SEC31A: variants seen among roughly 807,000 people sequenced by gnomAD.
SEC31A encodes SEC31 homolog A, COPII component.
SEC31A carries 70 observed loss-of-function variants against 151.0 expected under a neutral mutation model. The ratio of observed to expected loss-of-function variants is 0.46; its 90% confidence interval spans 0.38 to 0.57. SEC31A has a LOEUF of 0.57. Ranked by LOEUF, SEC31A falls within the 20% of genes least tolerant of loss-of-function variation. SEC31A has a pLI of 0.00. For synonymous variants in SEC31A, 475 were observed against 505.9 expected (o/e 0.94, Z 0.82); for missense variants, 1,330 against 1,471.2 (o/e 0.90, Z 1.57).
Position 82,878,746 on chromosome 4 carries a change from T to C in SEC31A, c.386A>G (p.Asp129Gly). 6.2e-7 allele frequency: 1 copy of C among 1,613,946 alleles called. No individual in the cohort carries two copies. Among genetic ancestry groups the C allele is most frequent in the Non-Finnish European group, 8.5e-7 (1 of 1,179,824 alleles). Residue 129 changes from aspartate (D) to glycine (G), a missense_variant, in exon 4 of 27, where the codon GAT becomes GGT. By Grantham distance (94) the Asp-to-Gly change is moderately conservative. Coordinates refer to ENST00000395310, the MANE Select transcript of SEC31A (RefSeq NM_001077207.4). ...DKHTGPVRAL[D>G]VNIFQTNLVA... ...AGTCTTAACCTGGAAAATGTTCACA[T>C]CCAAGGCTCTCACTGGGCCAGTATG...
chr4:82,822,654 G>A (rs936413885), intron 25 of SEC31A, among the ~76,000 whole-genome samples: 5 of 152,058 alleles, frequency 3.3e-5, no homozygotes, highest in Non-Finnish European at 5.9e-5. Context: ...GAACTTTTGC[G>A]GAAAGGAAAC....
At chr4:82,888,561 G>A (rs1004219224) in intron 1 of SEC31A, among the ~76,000 whole-genome samples, 2 of 151,634 alleles carry the variant, frequency 1.3e-5, no homozygotes, top group South Asian at 2.1e-4. Flanking sequence ...GTGATGGCGC[G>A]GCCAGTAGTC....
Position 82,842,805 on chromosome 4 carries a change from G to A in SEC31A, c.2627-324C>T, listed in dbSNP as rs560206208. The A allele has an allele frequency of 1.3e-5, 3 of 230,062 alleles. No individual in the cohort carries two copies. The South Asian group carries it at 2.3e-4, about 18-fold the overall frequency. The allele number at this position is 230,062 out of a possible 1,614,324, so 14.3% of individuals were successfully genotyped here. On this transcript the variant is annotated intron_variant, in intron 21 of 26. Transcript: ENST00000395310. ...TGTGAAGAGACAACAGTGACCACCA[G>A]ATGGAACCAGGGAGGAATTACACAT...
At chr4:82,863,289 C>T in intron 12 of SEC31A, 29 bp downstream of exon 12, 3 of 1,204,912 alleles carry the variant, frequency 2.5e-6, no homozygotes, top group Non-Finnish European at 3.6e-6. Context: ...TCATAAAGAG[C>T]ATGCCATCTA....
At chr4:82,855,173 G>T in intron 16 of SEC31A, 144 bp from the exon 17 acceptor site, 1 of 668,046 alleles carries the variant, frequency 1.5e-6, no homozygotes, top group Non-Finnish European at 2.4e-6. Flanking sequence ...ACATAATAAT[G>T]GTATTATTGT....
chr4:82,881,587 T>A (rs1482367182), intron 2 of SEC31A, among the ~76,000 whole-genome samples: 5 of 152,222 alleles, frequency 3.3e-5, no homozygotes, highest in African/African-American at 1.2e-4. Flanking sequence ...TGATATTAAC[T>A]GTTTTTTTTA....
chr4:82,838,246 C>A (rs1446245118), intron 22 of SEC31A, among the ~76,000 whole-genome samples: 1 of 152,046 alleles, frequency 6.6e-6, no homozygotes, highest in Non-Finnish European at 1.5e-5. Flanking sequence ...CAGTATTATT[C>A]CCCTTCAAGA....
At chr4:82,822,749 G>A (rs1237390087) in intron 25 of SEC31A, among the ~76,000 whole-genome samples, 1 of 152,128 alleles carries the variant, frequency 6.6e-6, no homozygotes, top group Non-Finnish European at 1.5e-5. Context: ...CGAGGTGGGC[G>A]GATCACCTGA....
chr4:82,853,656 G>A lies in SEC31A; in HGVS notation c.2068C>T (p.Leu690Phe). ...GDSLLQTQAC[L>F]CYICAGNVEK... ...ACATTCCCTGCACAAATATAGCAGA[G>A]ACATGCTTGAGTCTGCAGGAGGCTA... Residue 690 changes from leucine (L) to phenylalanine (F), a missense_variant, in exon 18 of 27, where the codon CTC becomes TTC. Leu to Phe is a conservative substitution (Grantham distance 22, BLOSUM62 0). Coordinates refer to ENST00000395310, the MANE Select transcript of SEC31A (RefSeq NM_001077207.4). 4 of 1,602,450 alleles carry A rather than the reference G, an allele frequency of 2.5e-6. No individual in the cohort carries two copies. The highest frequency in any genetic ancestry group is 3.4e-6 in the Non-Finnish European group (4 of 1,176,552).
intron 1 of SEC31A, among the ~76,000 whole-genome samples, chr4:82,888,819 T>C (rs1741575954): frequency 6.6e-6 from 1 of 152,230 alleles, no homozygotes; most frequent in African/African-American, 2.4e-5. Context: ...TTTCTGCTCA[T>C]TTTCAAAGTG....
rs755744216 is a variant in SEC31A at position 82,872,027 on chromosome 4, G to A, written c.699C>T (p.Ser233=). 149 of 1,613,888 alleles carry A rather than the reference G, an allele frequency of 9.2e-5. 1 individual carries two copies. The highest frequency in any genetic ancestry group is 1.1e-4 in the Non-Finnish European group (131 of 1,179,940). ...PDVATQMVLA[S]EDDRLPVIQM... is the part of the protein sequence containing the mutation. ...GGATCACTGGTAACCGGTCATCCTC[G>A]GAGGCAAGGACCATCTGAGTAGCAA... is the stretch of plus-strand genomic sequence containing the variant. The change falls in exon 7 of 27, where the codon TCC becomes TCT. Residue 233 remains serine, a synonymous_variant. Transcript: ENST00000395310.
At chr4:82,849,339 G>A (rs1730930804) in intron 19 of SEC31A, among the ~76,000 whole-genome samples, 2 of 152,120 alleles carry the variant, frequency 1.3e-5, no homozygotes, top group South Asian at 4.1e-4. Flanking sequence ...CTAAGGCCAG[G>A]CGCAGAGGTT....
chr4:82,890,094 G>C lies in SEC31A; in HGVS notation c.-5+994C>G, dbSNP rs1018364957. 2.6e-5 allele frequency among the ~76,000 whole-genome samples: 4 copies of C among 151,568 alleles called. No individual in the cohort carries two copies. In the South Asian group the frequency reaches 8.3e-4, roughly 32 times the overall value. ...AATACAAAAATTAGACAGGTGTGGT[G>C]GTGGGCGCCTGTAATCCCAGCTACT... On this transcript the variant is annotated intron_variant, in intron 1 of 26. Transcript: ENST00000395310.
rs148483526 is a variant in SEC31A, at chr4:82,844,445, T to A, written c.2567A>T (p.Gln856Leu). 1 of 1,614,016 alleles carries A rather than the reference T, an allele frequency of 6.2e-7. No homozygotes were observed. The highest frequency in any genetic ancestry group is 1.3e-5 in the African/African-American group (1 of 75,044). Residue 856 changes from glutamine (Q) to leucine (L), a missense_variant, in exon 21 of 27, where the codon CAG becomes CTG. Transcript: ENST00000395310. ...HGNVNPNAAG[Q>L]LPTSPGHMHT... ...CATATGACCTGGAGATGTGGGAAGC[T>A]GACCAGCAGCATTTGGATTAACATT...
At chr4:82,869,566 T>C (rs1019988954) in intron 8 of SEC31A, among the ~76,000 whole-genome samples, 1 of 152,164 alleles carries the variant, frequency 6.6e-6, no homozygotes, top group Non-Finnish European at 1.5e-5. Context: ...AATAGTAAGT[T>C]CCATGAATTT....
intron 6 of SEC31A, among the ~76,000 whole-genome samples, chr4:82,873,999 A>T (rs1737361126): frequency 6.6e-6 from 1 of 152,160 alleles, no homozygotes; most frequent in South Asian, 2.1e-4. Context: ...TTAAAGATGA[A>T]TTAAAAAGTT....
intron 7 of SEC31A, chr4:82,871,347 A>T (rs1312664410): frequency 2.0e-5 from 30 of 1,517,938 alleles, no homozygotes; most frequent in Non-Finnish European, 2.6e-5. Flanking sequence ...CAAGTAACGT[A>T]GGTACAGTAA....
chr4:82,864,614 T>C lies in SEC31A; in HGVS notation c.1198-16A>G, dbSNP rs1457632197. 1 of 1,609,310 alleles carries C rather than the reference T, an allele frequency of 6.2e-7. No individual in the cohort carries two copies. The highest frequency in any genetic ancestry group is 2.2e-5 in the East Asian group (1 of 44,836). The stretch of plus-strand genomic sequence containing the variant: ...TGCCTCCAAACTATAAAAGAGAGAA[T>C]GAACAAACTCAGTGTTAACCCAAGG... On this transcript the variant is annotated splice_polypyrimidine_tract_variant and intron_variant, in intron 10 of 26. Coordinates refer to ENST00000395310, the MANE Select transcript of SEC31A (RefSeq NM_001077207.4).
chr4:82,853,762 G>A (rs1480904616), intron 17 of SEC31A, 47 bp from the exon 18 acceptor site: 6 of 1,467,354 alleles, frequency 4.1e-6, no homozygotes, highest in African/African-American at 1.4e-5. Context: ...AAGGCAATCT[G>A]TATATGAGGC....
Sources: allele counts gnomAD v4.1 joint callset (sites outside exome capture counted in the v4.1 genomes callset), GRCh38; gene constraint gnomAD v4.1.1; transcripts MANE v1.5; gene names NCBI Gene and HGNC (gene_info 2026-07-23, HGNC 2026-07-21).